Variants in FANCC observed in about 807,000 individuals in gnomAD.
FANCC encodes the protein Fanconi anemia group C protein.
In FANCC, 55 loss-of-function variants were observed where a neutral mutation model predicts 71.3. That is an observed-to-expected ratio of 0.77 (90% CI 0.62 to 0.97). The LOEUF (loss-of-function observed/expected upper bound fraction) is 0.97, where lower values mean the gene tolerates loss of function less well. FANCC is among the 50% of genes least tolerant of loss of function. The pLI, the probability that FANCC is intolerant of heterozygous loss-of-function variation, is 0.00. For missense variants in FANCC, 678 were observed against 670.9 expected (o/e 1.01, Z -0.12); for synonymous variants, 275 against 244.9 (o/e 1.12, Z -1.15).
At chr9:95,191,126 G>A (rs1044432993) in intron 4 of FANCC, among the ~76,000 whole-genome samples, 3 of 151,648 alleles carry the variant, frequency 2.0e-5, no homozygotes, top group African/African-American at 7.3e-5. Flanking sequence ...TCCCATGATT[G>A]TGGATGCCAT....
chr9:95,164,937 T>A (rs1830979051), intron 6 of FANCC, among the ~76,000 whole-genome samples: 1 of 152,166 alleles, frequency 6.6e-6, no homozygotes, highest in South Asian at 2.1e-4. Flanking sequence ...GTTGGAAGGT[T>A]CTGAATAACC....
intron 4 of FANCC, among the ~76,000 whole-genome samples, chr9:95,219,442 T>C (rs1260195185): frequency 6.6e-6 from 1 of 152,146 alleles, no homozygotes; most frequent in Non-Finnish European, 1.5e-5. Flanking sequence ...ATGGAGCCAG[T>C]CTGCAAAAAT....
intron 4 of FANCC, among the ~76,000 whole-genome samples, chr9:95,176,602 C>T (rs769480552): frequency 6.6e-6 from 1 of 152,228 alleles, no homozygotes; most frequent in African/African-American, 2.4e-5. Flanking sequence ...ACTATGTTCT[C>T]TAAGTGTGGC....
chr9:95,185,018 T>C (rs1826624332), intron 4 of FANCC, among the ~76,000 whole-genome samples: 1 of 152,244 alleles, frequency 6.6e-6, no homozygotes, highest in South Asian at 2.1e-4. Context: ...CTGATAACTC[T>C]TAAAATCTGA....
chr9:95,113,074 C>G (rs776262646), intron 12 of FANCC, among the ~76,000 whole-genome samples: 4 of 152,248 alleles, frequency 2.6e-5, no homozygotes, highest in Non-Finnish European at 4.4e-5. Context: ...CAAGGTCCAG[C>G]TCTGTGTAAC....
chr9:95,261,416 T>C (rs2136169954), intron 1 of FANCC, among the ~76,000 whole-genome samples: 1 of 152,316 alleles, frequency 6.6e-6, no homozygotes, highest in South Asian at 2.1e-4. Flanking sequence ...CTTAGAGAAA[T>C]ACTGTTTAGC....
intron 3 of FANCC, 35 bp from the exon 4 acceptor site, chr9:95,240,778 C>A: frequency 8.2e-7 from 1 of 1,221,400 alleles, no homozygotes; most frequent in South Asian, 1.2e-5. Flanking sequence ...TTTTATCAAG[C>A]AGAAAAAATC....
At chr9:95,315,171 G>A (rs180849585) in intron 1 of FANCC, among the ~76,000 whole-genome samples, 2 of 152,318 alleles carry the variant, frequency 1.3e-5, no homozygotes. Context: ...TCAAAATGGA[G>A]GTAAAACCAT....
intron 6 of FANCC, among the ~76,000 whole-genome samples, chr9:95,161,967 G>A (rs924814003): frequency 2.0e-5 from 3 of 151,564 alleles, no homozygotes; most frequent in Non-Finnish European, 4.4e-5. Flanking sequence ...TCAGCCTCCT[G>A]GGTAGCCAGG....
chr9:95,209,221 G>A (rs1316048358), intron 4 of FANCC, among the ~76,000 whole-genome samples: 1 of 152,222 alleles, frequency 6.6e-6, no homozygotes, highest in Non-Finnish European at 1.5e-5. Flanking sequence ...CTAGGGATTA[G>A]GGAGAAGAGG....
chr9:95,146,933 T>G (rs1726775706), intron 7 of FANCC, among the ~76,000 whole-genome samples: 1 of 151,890 alleles, frequency 6.6e-6, no homozygotes, highest in South Asian at 2.1e-4. Flanking sequence ...CTTTGTTGGG[T>G]TTTGTAGTAA....
At chr9:95,293,188 TACA>T (rs1465571965) in intron 1 of FANCC, 2 of 1,612,472 alleles carry the variant, frequency 1.2e-6, no homozygotes, top group East Asian at 2.2e-5. Context: ...GACTCTTTCT[TACA>T]ACATCACCGA....
chr9:95,196,142 C>T (rs1478694584), intron 4 of FANCC, among the ~76,000 whole-genome samples: 1 of 152,074 alleles, frequency 6.6e-6, no homozygotes, highest in African/African-American at 2.4e-5. Flanking sequence ...CTTGAACTTC[C>T]AGTGTTATAA....
At chr9:95,154,819 G>A (rs1203478117) in intron 6 of FANCC, among the ~76,000 whole-genome samples, 1 of 152,042 alleles carries the variant, frequency 6.6e-6, no homozygotes, top group Non-Finnish European at 1.5e-5. Flanking sequence ...TAAAACCTGG[G>A]CAACAGGCAC....
intron 4 of FANCC, among the ~76,000 whole-genome samples, chr9:95,223,630 A>C (rs1829422463): frequency 6.6e-6 from 1 of 152,206 alleles, no homozygotes; most frequent in Non-Finnish European, 1.5e-5. Flanking sequence ...AAGTCGAAAA[A>C]TATAATGAAT....
intron 4 of FANCC, among the ~76,000 whole-genome samples, chr9:95,203,425 T>C (rs1373096766): frequency 6.7e-6 from 1 of 150,334 alleles, no homozygotes; most frequent in Non-Finnish European, 1.5e-5. Context: ...AGACAGTTCA[T>C]TAAAACCTCG....
chr9:95,220,582 G>T (rs1829183372), intron 4 of FANCC, among the ~76,000 whole-genome samples: 1 of 152,132 alleles, frequency 6.6e-6, no homozygotes, highest in Non-Finnish European at 1.5e-5. Flanking sequence ...CATGGATGAA[G>T]CTGGAAACCA....
chr9:95,159,479 G>A (rs1188424645), intron 6 of FANCC, among the ~76,000 whole-genome samples: 1 of 152,160 alleles, frequency 6.6e-6, no homozygotes, highest in Non-Finnish European at 1.5e-5. Flanking sequence ...TGTGAATAGT[G>A]CCGCAATAAA....
chr9:95,134,893 A>G (rs1457420121), intron 8 of FANCC, among the ~76,000 whole-genome samples: 1 of 152,210 alleles, frequency 6.6e-6, no homozygotes, highest in African/African-American at 2.4e-5. Context: ...AAACTTACAG[A>G]AGTCTTAGCT....
Sources: gnomAD v4.1 joint callset for allele counts (sites outside exome capture counted in the v4.1 genomes callset) on GRCh38, gnomAD v4.1.1 for gene constraint, MANE v1.5 for transcripts, NCBI Gene and HGNC (gene_info 2026-07-23, HGNC 2026-07-21) for gene names.